The following ZNF574 variants were observed in gnomAD, a reference collection of about 807,000 sequenced individuals.
ZNF574 encodes zinc finger protein 574.
A neutral mutation model predicts 56.6 loss-of-function variants in ZNF574; 25 were observed. The ratio of observed to expected loss-of-function variants is 0.44; its 90% CI spans 0.32 to 0.62. The LOEUF (loss-of-function observed/expected upper bound fraction) is 0.62. Among genes scored for constraint, ZNF574 ranks in the 20% least tolerant of loss-of-function variants. The pLI is 0.04. For synonymous variants in ZNF574, 543 were observed against 492.1 expected, an observed-to-expected ratio of 1.10 and a Z score of -1.37; for missense variants, 1,065 against 1,218.9, an observed-to-expected ratio of 0.87 and a Z score of 1.88.
chr19:42,080,740 C>T lies in ZNF574; in HGVS notation c.2134C>T (p.Arg712Cys), dbSNP rs199925173. The T allele has an allele frequency of 7.6e-5, 122 of 1,613,822 alleles. 1 individual carries two copies. The East Asian group carries it at 2.5e-3, about 33-fold the overall frequency. Reference protein sequence around the residue: ...PPAPRAPRATRAPVASPAALG... With the variant: ...PPAPRAPRATCAPVASPAALG... ...TGCCCCTCGAGCCCCACGGGCCACTCGTGCACCAGTTGCCTCTCCAGCAGC... is the reference window on the plus strand; with the variant it reads ...TGCCCCTCGAGCCCCACGGGCCACTTGTGCACCAGTTGCCTCTCCAGCAGC... Residue 712 changes from arginine (R) to cysteine (C), a missense_variant, in exon 2 of 2, where the codon CGT becomes TGT. Physicochemically the swap from Arg to Cys is radical, Grantham distance 180 (BLOSUM62 -3). Coordinates refer to ENST00000359044, the MANE Select transcript of ZNF574 (RefSeq NM_022752.6). The surrounding 1 kb of genome is among the most constrained non-coding windows in gnomAD (Gnocchi z 8.5).
chr19:42,071,170 C>G (rs908818025), upstream of ZNF574, among the ~76,000 whole-genome samples: 1 of 151,642 alleles, frequency 6.6e-6, no homozygotes, highest in Non-Finnish European at 1.5e-5. Context: ...AGGGCAGAGC[C>G]AGAAGTGGGA....
At chr19:42,069,848 G>A (rs1599867353) in intron 1 of ZNF574, among the ~76,000 whole-genome samples, 1 of 152,152 alleles carries the variant, frequency 6.6e-6, no homozygotes, top group East Asian at 1.9e-4. Flanking sequence ...CATGCTGGGG[G>A]CGGGGAGAGC....
chr19:42,073,390 T>C (rs2076437260), upstream of ZNF574, among the ~76,000 whole-genome samples: 1 of 151,820 alleles, frequency 6.6e-6, no homozygotes. Flanking sequence ...GAGATACTAA[T>C]AAAAATAACA....
At chr19:42,074,895 C>T (rs1165868450), upstream of ZNF574, 1 of 152,258 alleles carries the variant, frequency 6.6e-6, no homozygotes, top group Non-Finnish European at 1.5e-5. Flanking sequence ...TGTTTCTTTT[C>T]TTCTTTCAGA....
intron 1 of ZNF574, chr19:42,069,561 G>A (rs1483010133): frequency 7.6e-6 from 1 of 130,816 alleles, no homozygotes; most frequent in Admixed American, 7.9e-5. Flanking sequence ...AGAGGAAGGT[G>A]AAAACGGAAG....
In ZNF574 at chr19:42,078,632, T is replaced by A. The variant is rs753541141; in HGVS notation, c.26T>A (p.Val9Asp). ...ATGACTGAGGAATCAGAGGAGACAG[T>A]CCTGTACATTGAGCACCGCTATGTC... MTEESEET[V>D]LYIEHRYVCS... Residue 9 changes from valine to aspartate, a missense_variant, in exon 2 of 2, where the codon GTC becomes GAC. Val to Asp is a radical substitution (Grantham distance 152, BLOSUM62 -3). Coordinates refer to ENST00000359044, the MANE Select transcript of ZNF574 (RefSeq NM_022752.6). 6.2e-7 allele frequency: 1 copy of A among 1,613,798 alleles called. No individual in the cohort carries two copies.
At position 42,079,884 on chromosome 19, in the gene ZNF574, A is replaced by G. The variant is rs1248240068; in HGVS notation, c.1278A>G (p.Pro426=). The G allele has an allele frequency of 1.2e-6, 2 of 1,614,032 alleles. No individual in the cohort carries two copies. Among genetic ancestry groups the G allele is most frequent in the Non-Finnish European group, 8.5e-7 (1 of 1,180,018 alleles). Residue 426 remains proline (P), a synonymous_variant, in exon 2 of 2, where the codon CCA becomes CCG. Transcript: ENST00000359044. The surrounding 1 kb of genome is among the most constrained non-coding windows in gnomAD (Gnocchi z 4.3). The part of the protein sequence containing the change: ...GGVPLPTTPV[P]PEEPVIGFPE... Reference sequence around the variant, plus strand: ...TCCCTCTGCCCACAACACCAGTCCCACCAGAGGAACCTGTCATTGGTTTCC... The same window carrying G: ...TCCCTCTGCCCACAACACCAGTCCCGCCAGAGGAACCTGTCATTGGTTTCC...
upstream of ZNF574, chr19:42,075,163 G>T (rs1308620612): frequency 1.3e-5 from 2 of 152,098 alleles, no homozygotes; most frequent in Non-Finnish European, 2.9e-5. Flanking sequence ...GATTGCAGGC[G>T]TGAGCCACCA....
chr19:42,074,182 T>A (rs2076442172), upstream of ZNF574, among the ~76,000 whole-genome samples: 1 of 144,476 alleles, frequency 6.9e-6, no homozygotes, highest in African/African-American at 2.6e-5. Flanking sequence ...ATAGGCCAGG[T>A]GCAGTGGCTC....
upstream of ZNF574, chr19:42,075,075 G>A (rs2076446779): frequency 6.6e-6 from 1 of 151,784 alleles, no homozygotes; most frequent in African/African-American, 2.4e-5. Flanking sequence ...AGTAAAGATG[G>A]TAGTTTCACC....
chr19:42,080,334 C>T lies in ZNF574; in HGVS notation c.1728C>T (p.His576=), dbSNP rs763069210. 2.5e-6 allele frequency: 4 copies of T among 1,614,086 alleles called. No homozygotes were observed. ...LRQHRLVHAQ[H]FPYRCQECGV... ...AGCACCGCTTGGTGCATGCCCAGCA[C>T]TTCCCCTACCGCTGCCAGGAATGTG... The change falls in exon 2 of 2, where the codon CAC becomes CAT. Residue 576 remains histidine (H), a synonymous_variant. Transcript: ENST00000359044. This position sits in a 1 kb window ranked among gnomAD's most constrained non-coding sequence, Gnocchi z 8.5.
intron 1 of ZNF574, among the ~76,000 whole-genome samples, chr19:42,077,595 A>G (rs1462523458): frequency 6.6e-6 from 1 of 152,106 alleles, no homozygotes; most frequent in Non-Finnish European, 1.5e-5. Flanking sequence ...AAGGGTTTAA[A>G]TCAATGGGAA....
At chr19:42,071,765 AG>A (rs1203758696), upstream of ZNF574, among the ~76,000 whole-genome samples, 1 of 152,138 alleles carries the variant, frequency 6.6e-6, no homozygotes, top group Non-Finnish European at 1.5e-5. Context: ...GCACTTTGGA[AG>A]GCCGGGGCAG....
At chr19:42,072,965 T>C (rs1334213117), upstream of ZNF574, among the ~76,000 whole-genome samples, 1 of 152,218 alleles carries the variant, frequency 6.6e-6, no homozygotes, top group Non-Finnish European at 1.5e-5. Flanking sequence ...GGCTTCCACT[T>C]CTCTGTCACC....
upstream of ZNF574, among the ~76,000 whole-genome samples, chr19:42,072,512 A>G (rs1599871421): frequency 6.6e-6 from 1 of 151,380 alleles, no homozygotes; most frequent in East Asian, 1.9e-4. Flanking sequence ...CTGGGATTAC[A>G]GGCGCAAGCC....
chr19:42,079,993 C>G lies in ZNF574; in HGVS notation c.1387C>G (p.Pro463Ala). 6.2e-7 allele frequency: 1 copy of G among 1,613,954 alleles called. No individual in the cohort carries two copies. Among genetic ancestry groups the G allele is most frequent in the Non-Finnish European group, 8.5e-7 (1 of 1,180,022 alleles). ...GGAGACCTCAGCAGGGCCCGCTGCC[C>G]CAGGCACCTACCGCTGCCTCCTGTG... ...SEETSAGPAA[P>A]GTYRCLLCSR... The change falls in exon 2 of 2, where the codon CCA becomes GCA. Residue 463 changes from proline (P) to alanine (A), a missense_variant. Transcript: ENST00000359044. This position sits in a 1 kb window ranked among gnomAD's most constrained non-coding sequence, Gnocchi z 4.3.
rs1181788462 is a variant in ZNF574, at chr19:42,080,943, C to G, written c.2337C>G (p.Thr779=). 1 of 1,613,918 alleles carries G rather than the reference C, an allele frequency of 6.2e-7. No individual in the cohort carries two copies. The highest frequency in any genetic ancestry group is 8.5e-7 in the Non-Finnish European group (1 of 1,179,970). Residue 779 remains threonine, a synonymous_variant, in exon 2 of 2, where the codon ACC becomes ACG. Coordinates refer to ENST00000359044, the MANE Select transcript of ZNF574 (RefSeq NM_022752.6). This position sits in a 1 kb window ranked among gnomAD's most constrained non-coding sequence, Gnocchi z 8.5. ...PDCGKAFRQS[T]HLKDHRRLHT... ...GTGGCAAAGCGTTCCGTCAGAGTACCCACCTGAAAGACCACCGGCGCCTGC... is the reference window on the plus strand; with the variant it reads ...GTGGCAAAGCGTTCCGTCAGAGTACGCACCTGAAAGACCACCGGCGCCTGC...
upstream of ZNF574, among the ~76,000 whole-genome samples, chr19:42,072,635 T>C (rs2076432045): frequency 6.6e-6 from 1 of 151,608 alleles, no homozygotes; most frequent in African/African-American, 2.4e-5. Flanking sequence ...GGCGCCATCT[T>C]GGCTCACTGC....
chr19:42,069,478 G>C (rs1427225254), intron 1 of ZNF574: 2 of 150,850 alleles, frequency 1.3e-5, no homozygotes, highest in Non-Finnish European at 2.9e-5. Context: ...GGGGAAAGGA[G>C]AAAATGGAGG....
Sources: allele counts gnomAD v4.1 joint callset (sites outside exome capture counted in the v4.1 genomes callset), GRCh38; gene constraint gnomAD v4.1.1; non-coding constraint Gnocchi (gnomAD v3.1); transcripts MANE v1.5; gene names NCBI Gene and HGNC (gene_info 2026-07-23, HGNC 2026-07-21).